The following DYNLT2 variants were observed in gnomAD, a reference collection of about 807,000 sequenced individuals.
DYNLT2 encodes the protein dynein light chain Tctex-type 2.
A neutral mutation model predicts 24.3 loss-of-function variants in DYNLT2; 24 were observed. The observed-to-expected ratio is 0.99, with a 90% CI of 0.71 to 1.39. DYNLT2 has a LOEUF of 1.39. Ranked by LOEUF, DYNLT2 falls within the 40% of genes most tolerant of loss-of-function variation. The pLI, the probability that DYNLT2 is intolerant of heterozygous loss-of-function variation, is 0.00. For synonymous variants in DYNLT2, 85 were observed against 85.4 expected, an observed-to-expected ratio of 1.00 and a Z score of 0.03; for missense variants, 246 against 234.5, an observed-to-expected ratio of 1.05 and a Z score of -0.32.
At chr6:169,746,404 C>T (rs1789801211) in intron 1 of DYNLT2, among the ~76,000 whole-genome samples, 1 of 152,108 alleles carries the variant, frequency 6.6e-6, no homozygotes. Context: ...TTGCTGCACT[C>T]TACAAATTTT....
the DYNLT2 span, among the ~76,000 whole-genome samples, chr6:169,731,632 A>C: frequency 2.6e-5 from 4 of 152,330 alleles, no homozygotes; most frequent in East Asian, 7.7e-4. Context: ...TAGTAGATGC[A>C]TGATTCTGTT....
intron 1 of DYNLT2, among the ~76,000 whole-genome samples, chr6:169,746,980 T>C (rs925364203): frequency 2.7e-5 from 4 of 150,082 alleles, no homozygotes; most frequent in African/African-American, 9.7e-5. Flanking sequence ...GTTTGTCCTG[T>C]GACCTCACTT....
the DYNLT2 span, chr6:169,725,561 T>C: frequency 2.6e-6 from 1 of 380,724 alleles, no homozygotes; most frequent in Non-Finnish European, 4.6e-6. Flanking sequence ...CCGCACTTCT[T>C]GTCTGAATCT....
intron 2 of DYNLT2, 32 bp from the exon 3 acceptor site, chr6:169,743,270 T>C (rs753294011): frequency 8.3e-6 from 11 of 1,321,148 alleles, no homozygotes; most frequent in Non-Finnish European, 1.1e-5. Context: ...ATACTTTTAT[T>C]TTCAAACCAA....
At chr6:169,750,088 G>A (rs1789929941) in intron 1 of DYNLT2, 1 of 152,166 alleles carries the variant, frequency 6.6e-6, no homozygotes, top group Non-Finnish European at 1.5e-5. Context: ...TTTGGTCCAT[G>A]TCCCCTCACT....
intron 1 of DYNLT2, among the ~76,000 whole-genome samples, chr6:169,748,656 GA>G (rs772935483): frequency 2.6e-5 from 4 of 152,140 alleles, no homozygotes; most frequent in Non-Finnish European, 5.9e-5. Flanking sequence ...TTTATTAAGA[GA>G]ATGCTTCTCT....
downstream of DYNLT2, among the ~76,000 whole-genome samples, chr6:169,736,130 GT>G (rs550542182): frequency 2.8e-4 from 37 of 133,390 alleles, no homozygotes; most frequent in East Asian, 1.9e-3. Flanking sequence ...TTGTTGTTTC[GT>G]TTTTTTGTTT....
At chr6:169,736,067 T>TAA (rs563496801), downstream of DYNLT2, among the ~76,000 whole-genome samples, 984 of 152,304 alleles carry the variant, frequency 6.5e-3, 5 homozygotes, top group South Asian at 0.012. Flanking sequence ...TTTGTTGGTT[T>TAA]AAAGTCTGTT....
intron 1 of DYNLT2, among the ~76,000 whole-genome samples, chr6:169,744,866 A>G (rs1034844101): frequency 1.3e-5 from 2 of 152,238 alleles, no homozygotes; most frequent in African/African-American, 4.8e-5. Context: ...ATATTTGCTT[A>G]GTGCCCAATA....
At chr6:169,730,152 A>T in the DYNLT2 span, among the ~76,000 whole-genome samples, 1 of 152,318 alleles carries the variant, frequency 6.6e-6, no homozygotes, top group African/African-American at 2.4e-5. Flanking sequence ...GAATATTCTG[A>T]AAGTGAAAAT....
At chr6:169,751,062 T>A in intron 1 of DYNLT2, 1 of 362,208 alleles carries the variant, frequency 2.8e-6, no homozygotes, top group Non-Finnish European at 5.0e-6. Flanking sequence ...CTGAGTAAAT[T>A]TGAAAAGAAG....
downstream of DYNLT2, chr6:169,740,035 T>A: frequency 3.5e-6 from 2 of 579,198 alleles, no homozygotes; most frequent in Non-Finnish European, 6.1e-6. Context: ...AAATCTGGCT[T>A]CTACTTTGTT....
chr6:169,751,149 C>G (rs1790027013), intron 1 of DYNLT2, 190 bp downstream of exon 1: 3 of 813,054 alleles, frequency 3.7e-6, no homozygotes, highest in Non-Finnish European at 5.7e-6. Context: ...CTTTAGCACT[C>G]AAGTCCAAAG....
the DYNLT2 span, among the ~76,000 whole-genome samples, chr6:169,728,085 T>A: frequency 6.6e-6 from 1 of 152,200 alleles, no homozygotes; most frequent in Non-Finnish European, 1.5e-5. Flanking sequence ...TGTCAGGTTC[T>A]CAGTCAAGTT....
In DYNLT2 at chr6:169,743,035, C is replaced by G. The variant is rs745924211; in HGVS notation, c.486+45G>C. The stretch of plus-strand genomic sequence containing the variant: ...AAATCAAATCACTAGGGAGGAGATG[C>G]CTTATAGTTCTAATTGCTAGATCCT... On this transcript the variant is annotated intron_variant, in intron 3 of 3. Coordinates refer to ENST00000366774, the MANE Select transcript of DYNLT2 (RefSeq NM_174910.3). 12 of 1,398,852 alleles carry G rather than the reference C, an allele frequency of 8.6e-6. No individual in the cohort carries two copies. In the South Asian group the frequency reaches 2.0e-4, roughly 23 times the overall value. The allele number at this position is 1,398,852 out of a possible 1,614,324, so 86.7% of individuals were successfully genotyped here. A position where few individuals can be genotyped will look rare whatever the true frequency, so the allele number is the denominator to read the frequency against.
At chr6:169,741,674 C>T (rs1789682727) in intron 3 of DYNLT2, among the ~76,000 whole-genome samples, 1 of 152,100 alleles carries the variant, frequency 6.6e-6, no homozygotes, top group Non-Finnish European at 1.5e-5. Context: ...TCATCCCTGC[C>T]TCAGGATCTT....
chr6:169,726,777 T>C, the DYNLT2 span, among the ~76,000 whole-genome samples: 1 of 152,216 alleles, frequency 6.6e-6, no homozygotes, highest in Non-Finnish European at 1.5e-5. Context: ...CTATGTTAAA[T>C]GATGAAGATA....
chr6:169,725,566 G>A, the DYNLT2 span: 4 of 373,286 alleles, frequency 1.1e-5, no homozygotes, highest in Non-Finnish European at 1.9e-5. Flanking sequence ...CTTCTTGTCT[G>A]AATCTGCCAA....
chr6:169,730,112 T>G, the DYNLT2 span, among the ~76,000 whole-genome samples: 1 of 152,226 alleles, frequency 6.6e-6, no homozygotes. Context: ...TGGTATTATT[T>G]AACTAAACCA....
Sources: gnomAD v4.1 joint callset for allele counts (sites outside exome capture counted in the v4.1 genomes callset) on GRCh38, gnomAD v4.1.1 for gene constraint, MANE v1.5 for transcripts, NCBI Gene and HGNC (gene_info 2026-07-23, HGNC 2026-07-21) for gene names.